Variants in MELK observed in about 807,000 individuals in gnomAD.
The protein encoded by MELK is pEg3 kinase.
In MELK, 81 loss-of-function variants were observed where a neutral mutation model predicts 85.0. The ratio of observed to expected loss-of-function variants is 0.95; its 90% CI spans 0.80 to 1.15. The LOEUF (loss-of-function observed/expected upper bound fraction) is 1.15, where lower values mean the gene tolerates loss of function less well. Ranked by LOEUF, MELK falls within the 50% of genes most tolerant of loss-of-function variation. The pLI, the probability that MELK is intolerant of heterozygous loss-of-function variation, is 0.00. For synonymous variants in MELK, 252 were observed against 265.0 expected, an observed-to-expected ratio of 0.95 and a Z score of 0.48; for missense variants, 754 against 777.5, an observed-to-expected ratio of 0.97 and a Z score of 0.36.
intron 9 of MELK, 127 bp downstream of exon 9, chr9:36,630,494 T>C (rs1197063986): frequency 1.4e-6 from 1 of 721,798 alleles, no homozygotes; most frequent in Non-Finnish European, 2.4e-6. Flanking sequence ...CTTGAAAATA[T>C]CCTCTATTAG....
In MELK at chr9:36,592,099, T is replaced by TC. The variant is rs1823657687; in HGVS notation, c.261+2449dup. Reference sequence around the variant, plus strand: ...ACTCCTGGCCTTAAGCGATCTTCCCTCCTTGGCCTCCCAAAATGTTGGGAT... The same window carrying TC: ...ACTCCTGGCCTTAAGCGATCTTCCCTCCCTTGGCCTCCCAAAATGTTGGGAT... On this transcript the variant is annotated intron_variant, in intron 4 of 17. Coordinates refer to ENST00000298048, the MANE Select transcript of MELK (RefSeq NM_014791.4). Among the ~76,000 whole-genome samples the TC allele has an allele frequency of 3.3e-5, 5 of 151,696 alleles. No homozygotes were observed. The South Asian group carries it at 1.0e-3, about 32-fold the overall frequency.
At chr9:36,594,905 G>T (rs533435006) in intron 5 of MELK, 134 bp downstream of exon 5, 58 of 707,484 alleles carry the variant, frequency 8.2e-5, no homozygotes, top group South Asian at 7.1e-4. Flanking sequence ...ATACCTATCA[G>T]ATTTCTTTTT....
intron 3 of MELK, among the ~76,000 whole-genome samples, chr9:36,588,917 A>C (rs1441699487): frequency 6.6e-6 from 1 of 152,144 alleles, no homozygotes; most frequent in South Asian, 2.1e-4. Context: ...TGAGGCTGAA[A>C]GTGGTAGCTC....
intron 11 of MELK, among the ~76,000 whole-genome samples, chr9:36,647,805 G>A (rs778277858): frequency 6.6e-6 from 1 of 152,018 alleles, no homozygotes; most frequent in African/African-American, 2.4e-5. Flanking sequence ...AAGCCTTACT[G>A]TCCTTTCTTT....
At chr9:36,628,869 T>C (rs1196207387) in intron 8 of MELK, among the ~76,000 whole-genome samples, 1 of 149,046 alleles carries the variant, frequency 6.7e-6, no homozygotes, top group Admixed American at 6.6e-5. Flanking sequence ...TTTTCTTTTT[T>C]TTTTTTTTTT....
At chr9:36,586,198 C>T in intron 3 of MELK, among the ~76,000 whole-genome samples, 1 of 152,028 alleles carries the variant, frequency 6.6e-6, no homozygotes, top group East Asian at 1.9e-4. Context: ...AAAAATTTCG[C>T]TGGACATGGT....
At chr9:36,606,744 TATATA>T (rs960537999) in intron 7 of MELK, 11 of 147,902 alleles carry the variant, frequency 7.4e-5, no homozygotes, top group African/African-American at 2.2e-4. Context: ...CATATATACA[TATATA>T]ATATATATAA....
intron 1 of MELK, among the ~76,000 whole-genome samples, chr9:36,576,689 G>A (rs1233178956): frequency 1.3e-5 from 2 of 151,938 alleles, no homozygotes; most frequent in Non-Finnish European, 2.9e-5. Context: ...GCATCACCAC[G>A]CCCGGCTAAT....
intron 6 of MELK, among the ~76,000 whole-genome samples, 163 bp downstream of exon 6, chr9:36,597,453 T>C (rs142864735): frequency 3.1e-3 from 476 of 152,320 alleles, no homozygotes; most frequent in Middle Eastern, 0.017. Context: ...GTAAGTTCTC[T>C]AGATGATCAT....
At chr9:36,663,581 C>T (rs574796740) in intron 13 of MELK, among the ~76,000 whole-genome samples, 1 of 152,288 alleles carries the variant, frequency 6.6e-6, no homozygotes, top group East Asian at 1.9e-4. Context: ...TCTCTACATC[C>T]ACGTGTACAC....
At chr9:36,677,112 C>T (rs1587651144) in intron 17 of MELK, 48 bp from the exon 18 acceptor site, 3 of 1,533,126 alleles carry the variant, frequency 2.0e-6, no homozygotes, top group South Asian at 2.4e-5. Context: ...AACTCTTATA[C>T]AGAATATGGT....
intron 12 of MELK, among the ~76,000 whole-genome samples, chr9:36,656,376 G>T (rs1387724966): frequency 6.6e-6 from 1 of 152,192 alleles, no homozygotes; most frequent in African/African-American, 2.4e-5. Flanking sequence ...ACATAAGAAT[G>T]TTGCAAGACA....
chr9:36,573,802 C>G (rs1009777625), intron 1 of MELK, among the ~76,000 whole-genome samples: 1 of 152,114 alleles, frequency 6.6e-6, no homozygotes, highest in Non-Finnish European at 1.5e-5. Flanking sequence ...CCACCACGCC[C>G]GGCCTAAAAG....
At chr9:36,586,882 G>A (rs1199996833) in intron 3 of MELK, among the ~76,000 whole-genome samples, 2 of 151,894 alleles carry the variant, frequency 1.3e-5, no homozygotes, top group Non-Finnish European at 2.9e-5. Flanking sequence ...TTATTTTTGA[G>A]ATGGAGTCTT....
At chr9:36,644,628 T>G (rs1453947760) in intron 11 of MELK, among the ~76,000 whole-genome samples, 1 of 152,204 alleles carries the variant, frequency 6.6e-6, no homozygotes, top group Non-Finnish European at 1.5e-5. Flanking sequence ...AGTGAAAATT[T>G]GAAGTTTCCA....
At chr9:36,658,188 A>G (rs1831440800) in intron 13 of MELK, among the ~76,000 whole-genome samples, 1 of 151,924 alleles carries the variant, frequency 6.6e-6, no homozygotes, top group Non-Finnish European at 1.5e-5. Flanking sequence ...GTATAGATTA[A>G]TGTTTTTTAT....
intron 5 of MELK, among the ~76,000 whole-genome samples, chr9:36,596,774 C>T (rs765779082): frequency 2.6e-5 from 4 of 151,080 alleles, no homozygotes; most frequent in East Asian, 2.0e-4. Context: ...TTAGTAGAGA[C>T]GGGGTTTCTC....
chr9:36,628,646 T>TTGACCTCGTGATCCACCTG (rs1828178272), intron 8 of MELK, among the ~76,000 whole-genome samples: 1 of 151,236 alleles, frequency 6.6e-6, no homozygotes, highest in South Asian at 2.1e-4. Context: ...TCTTGATCTC[T>TTGACCTCGTGATCCACCTG]TGACCTCGTG....
intron 11 of MELK, among the ~76,000 whole-genome samples, chr9:36,651,347 A>G (rs545750127): frequency 6.6e-6 from 1 of 152,234 alleles, no homozygotes; most frequent in Non-Finnish European, 1.5e-5. Context: ...TTAGCTAAAC[A>G]TTGTGATAAA....
Sources: gnomAD v4.1 joint callset for allele counts (sites outside exome capture counted in the v4.1 genomes callset) on GRCh38, gnomAD v4.1.1 for gene constraint, MANE v1.5 for transcripts, NCBI Gene and HGNC (gene_info 2026-07-23, HGNC 2026-07-21) for gene names.